The following TNFAIP8 variants were observed in gnomAD, a reference collection of about 807,000 sequenced individuals.
TNFAIP8 encodes TNF alpha induced protein 8, also known as tumor necrosis factor alpha-induced protein 8.
A neutral mutation model predicts 13.3 loss-of-function variants in TNFAIP8; 7 were observed. That is an observed-to-expected ratio of 0.52 (90% CI 0.30 to 0.99). The LOEUF is 0.99. Among genes scored for constraint, TNFAIP8 ranks in the 50% least tolerant of loss-of-function variants. The pLI is 0.07. For synonymous variants in TNFAIP8, 94 were observed against 87.6 expected, an observed-to-expected ratio of 1.07 and a Z score of -0.41; for missense variants, 258 against 236.9, an observed-to-expected ratio of 1.09 and a Z score of -0.58.
intron 1 of TNFAIP8, among the ~76,000 whole-genome samples, chr5:119,383,351 C>T (rs1045731252): frequency 5.9e-5 from 9 of 152,150 alleles, no homozygotes; most frequent in Non-Finnish European, 1.5e-5. Context: ...CAAAAGTATT[C>T]CCTTTGGATG....
At chr5:119,295,607 A>G (rs994363013) in intron 1 of TNFAIP8, among the ~76,000 whole-genome samples, 1 of 152,128 alleles carries the variant, frequency 6.6e-6, no homozygotes, top group Admixed American at 6.6e-5. Context: ...TGACTTGGCT[A>G]TGCGGGCTCT....
chr5:119,326,738 G>A (rs1365628931), intron 1 of TNFAIP8, among the ~76,000 whole-genome samples: 1 of 152,178 alleles, frequency 6.6e-6, no homozygotes, highest in Non-Finnish European at 1.5e-5. Flanking sequence ...AGGTTGGGGT[G>A]ATGGGGCTGG....
At chr5:119,390,199 A>G (rs570762884) in intron 1 of TNFAIP8, among the ~76,000 whole-genome samples, 1 of 152,286 alleles carries the variant, frequency 6.6e-6, no homozygotes, top group African/African-American at 2.4e-5. Context: ...GTTCTAAAAC[A>G]TTAAAAAAAA....
intron 1 of TNFAIP8, among the ~76,000 whole-genome samples, chr5:119,300,589 C>G (rs1045598123): frequency 2.0e-5 from 3 of 152,146 alleles, no homozygotes; most frequent in Admixed American, 6.5e-5. Context: ...ATGTACTTCT[C>G]TAAGGATCTG....
At chr5:119,321,201 C>T (rs911275527) in intron 1 of TNFAIP8, among the ~76,000 whole-genome samples, 1 of 151,878 alleles carries the variant, frequency 6.6e-6, no homozygotes, top group African/African-American at 2.4e-5. Context: ...TGGGCAACAC[C>T]GTGAGACTCC....
intron 1 of TNFAIP8, among the ~76,000 whole-genome samples, chr5:119,341,473 C>T (rs1362104376): frequency 6.6e-6 from 1 of 152,238 alleles, no homozygotes; most frequent in Non-Finnish European, 1.5e-5. Flanking sequence ...AGGCTACCAG[C>T]TTACGATCCT....
At chr5:119,351,788 C>CTTTCTT (rs1751165570), upstream of TNFAIP8, among the ~76,000 whole-genome samples, 1 of 138,238 alleles carries the variant, frequency 7.2e-6, no homozygotes, top group African/African-American at 3.0e-5. Context: ...TTTTCTTTTT[C>CTTTCTT]TTTTTTTCTT....
Position 119,392,899 on chromosome 5 carries a change from G to A in TNFAIP8, c.115G>A (p.Ala39Thr), listed in dbSNP as rs751972765. 6.3e-6 allele frequency: 10 copies of A among 1,590,492 alleles called. No individual in the cohort carries two copies. The highest frequency in any genetic ancestry group is 1.4e-5 in the African/African-American group (1 of 73,902). Residue 39 changes from alanine (A) to threonine (T), a missense_variant, in exon 2 of 2, where the codon GCC becomes ACC. By Grantham distance (58) the Ala-to-Thr change is moderately conservative. Coordinates refer to ENST00000504771, the MANE Select transcript of TNFAIP8 (RefSeq NM_014350.4). ...ILGKMVSKSI[A>T]TTLIDDTSSE... Reference sequence around the variant, plus strand: ...GGGTAAAATGGTGTCCAAATCCATCGCCACCACCTTAATAGACGACACAAG... The same window carrying A: ...GGGTAAAATGGTGTCCAAATCCATCACCACCACCTTAATAGACGACACAAG...
At chr5:119,306,783 GGTTT>G (rs1252266528) in intron 1 of TNFAIP8, among the ~76,000 whole-genome samples, 17 of 152,096 alleles carry the variant, frequency 1.1e-4, no homozygotes, top group Non-Finnish European at 2.1e-4. Flanking sequence ...TTGGTTGGTT[GGTTT>G]GTTTCAGAAG....
chr5:119,377,463 GA>G (rs978295809), intron 1 of TNFAIP8, among the ~76,000 whole-genome samples: 3 of 151,998 alleles, frequency 2.0e-5, no homozygotes, highest in Non-Finnish European at 4.4e-5. Context: ...ATGAATGGGG[GA>G]AAGTTTTTCT....
chr5:119,293,103 A>G (rs72786118), intron 1 of TNFAIP8, among the ~76,000 whole-genome samples: 7,638 of 152,204 alleles, frequency 0.05, 210 homozygotes, highest in Middle Eastern at 0.12. Context: ...CTGTATATAC[A>G]TGTGTGTACA....
At chr5:119,361,737 C>G (rs770837274) in intron 1 of TNFAIP8, among the ~76,000 whole-genome samples, 11 of 152,320 alleles carry the variant, frequency 7.2e-5, no homozygotes, top group Non-Finnish European at 1.5e-4. Flanking sequence ...TGCCAGCTCA[C>G]CTGGCTTCAA....
At chr5:119,367,383 T>A (rs1165361252) in intron 1 of TNFAIP8, among the ~76,000 whole-genome samples, 2 of 152,200 alleles carry the variant, frequency 1.3e-5, no homozygotes, top group Non-Finnish European at 2.9e-5. Context: ...AACTGGACTA[T>A]TTTGTCGTAG....
At chr5:119,368,428 AGC>A (rs1562023116) in intron 1 of TNFAIP8, among the ~76,000 whole-genome samples, 2 of 94,388 alleles carry the variant, frequency 2.1e-5, no homozygotes, top group Non-Finnish European at 4.4e-5. Flanking sequence ...TATTCTAAGC[AGC>A]GTGTGTGTGT....
chr5:119,338,210 A>ACC lies in TNFAIP8; in HGVS notation c.2-54605_2-54604dup, dbSNP rs1554172683. Among the ~76,000 whole-genome samples, 359 of 130,664 alleles carry ACC rather than the reference A, an allele frequency of 2.7e-3. 6 individuals are homozygous for ACC. Among genetic ancestry groups the ACC allele is most frequent in the African/African-American group, 0.014 (332 of 24,286 alleles). The allele number at this position is 130,664 out of a possible 152,430, so 85.7% of individuals were successfully genotyped here. ...CACACACACACACACACACACACAC[A>ACC]CCTTCTCAGCACCTAGTCACACCCT... On this transcript the variant is annotated intron_variant, in intron 1 of 1. Transcript: ENST00000274456.
chr5:119,378,017 T>C (rs972537639), intron 1 of TNFAIP8, among the ~76,000 whole-genome samples: 3 of 152,204 alleles, frequency 2.0e-5, no homozygotes, highest in African/African-American at 7.2e-5. Flanking sequence ...AATCCATTGT[T>C]GTCATATGAG....
chr5:119,348,880 CAAAA>C (rs60633145), intron 1 of TNFAIP8, among the ~76,000 whole-genome samples: 1 of 90,950 alleles, frequency 1.1e-5, no homozygotes, highest in Non-Finnish European at 2.5e-5. Context: ...AACTCCATCT[CAAAA>C]AAAAAAAAAA....
upstream of TNFAIP8, chr5:119,355,375 T>G (rs1191848041): frequency 1.4e-6 from 1 of 702,482 alleles, no homozygotes; most frequent in Admixed American, 2.0e-5. Context: ...CAGCCCCGTC[T>G]GCTTTTGCTG....
chr5:119,331,744 C>T (rs1256238273), intron 1 of TNFAIP8, among the ~76,000 whole-genome samples: 3 of 152,206 alleles, frequency 2.0e-5, no homozygotes, highest in Non-Finnish European at 2.9e-5. Flanking sequence ...ACTGCACTGC[C>T]CCATCCTCCC....
Sources: allele counts gnomAD v4.1 joint callset (sites outside exome capture counted in the v4.1 genomes callset), GRCh38; gene constraint gnomAD v4.1.1; transcripts MANE v1.5; gene names NCBI Gene and HGNC (gene_info 2026-07-23, HGNC 2026-07-21).